LRRC4C: variants seen among roughly 807,000 people sequenced by gnomAD.
The protein encoded by LRRC4C is leucine-rich repeat-containing protein 4C.
In LRRC4C, 5 loss-of-function variants were observed where a neutral mutation model predicts 33.6. The observed-to-expected ratio is 0.15, with a 90% CI of 0.08 to 0.31. The LOEUF (loss-of-function observed/expected upper bound fraction) is 0.31. LRRC4C is among the 10% of genes least tolerant of loss of function. LRRC4C has a pLI of 1.00. For missense variants in LRRC4C, 560 were observed against 796.7 expected (o/e 0.70, Z 3.58); for synonymous variants, 329 against 302.0 (o/e 1.09, Z -0.93).
chr11:40,596,047 T>A (rs1191161393), intron 3 of LRRC4C, among the ~76,000 whole-genome samples: 1 of 152,046 alleles, frequency 6.6e-6, no homozygotes, highest in Admixed American at 6.6e-5. Context: ...TAGCACAGAA[T>A]CTACACATAG....
At chr11:40,263,118 A>G (rs1941988268) in intron 4 of LRRC4C, among the ~76,000 whole-genome samples, 1 of 152,170 alleles carries the variant, frequency 6.6e-6, no homozygotes, top group Non-Finnish European at 1.5e-5. Context: ...TAGGATCTTA[A>G]TAAATATTAA....
chr11:41,391,420 T>G (rs1287483983), intron 1 of LRRC4C, among the ~76,000 whole-genome samples: 1 of 151,736 alleles, frequency 6.6e-6, no homozygotes, highest in Non-Finnish European at 1.5e-5. Context: ...ACATATAACA[T>G]GAGGACAAAA....
intron 3 of LRRC4C, among the ~76,000 whole-genome samples, chr11:40,371,834 T>C (rs1033738862): frequency 3.3e-5 from 5 of 152,126 alleles, no homozygotes; most frequent in African/African-American, 1.2e-4. Context: ...GGCTCCCAAC[T>C]GGACAACACG....
chr11:40,805,806 G>A (rs1465694628), intron 2 of LRRC4C, among the ~76,000 whole-genome samples: 1 of 152,114 alleles, frequency 6.6e-6, no homozygotes, highest in African/African-American at 2.4e-5. Flanking sequence ...GATGTAAAGA[G>A]TATGGTGTTT....
At chr11:41,413,540 A>C (rs1372850190) in intron 1 of LRRC4C, among the ~76,000 whole-genome samples, 10 of 152,204 alleles carry the variant, frequency 6.6e-5, no homozygotes, top group Non-Finnish European at 2.9e-5. Flanking sequence ...CCTCAGAAGA[A>C]TCTGAGTTTA....
chr11:40,951,563 G>T (rs1444749280), intron 1 of LRRC4C, among the ~76,000 whole-genome samples: 2 of 151,922 alleles, frequency 1.3e-5, no homozygotes, highest in Non-Finnish European at 2.9e-5. Flanking sequence ...GTTGCCCTGA[G>T]TTACAGAAAA....
chr11:40,819,788 T>C (rs1222081129), intron 2 of LRRC4C, among the ~76,000 whole-genome samples: 2 of 152,018 alleles, frequency 1.3e-5, no homozygotes, highest in Admixed American at 1.3e-4. Context: ...AGGGTTACTG[T>C]TCTGAGATGG....
intron 2 of LRRC4C, among the ~76,000 whole-genome samples, chr11:40,780,541 C>A (rs981137075): frequency 2.0e-5 from 3 of 151,828 alleles, no homozygotes; most frequent in Non-Finnish European, 2.9e-5. Flanking sequence ...GGAGAAGATA[C>A]CAAGAAAGAT....
At chr11:41,445,666 C>CT (rs1257159446) in intron 1 of LRRC4C, among the ~76,000 whole-genome samples, 3 of 152,124 alleles carry the variant, frequency 2.0e-5, no homozygotes, top group African/African-American at 7.2e-5. Context: ...ATCACTTAAT[C>CT]TTTTAATCTT....
chr11:40,564,384 C>A (rs1287084654), intron 3 of LRRC4C, among the ~76,000 whole-genome samples: 2 of 152,164 alleles, frequency 1.3e-5, no homozygotes, highest in Non-Finnish European at 2.9e-5. Flanking sequence ...AGATTATTTT[C>A]TTTTCTAGGA....
At chr11:40,892,010 C>T (rs1841795369) in intron 2 of LRRC4C, among the ~76,000 whole-genome samples, 1 of 151,710 alleles carries the variant, frequency 6.6e-6, no homozygotes. Context: ...TGGTGGGCAC[C>T]TGTAGTCCCA....
intron 5 of LRRC4C, among the ~76,000 whole-genome samples, chr11:40,176,261 C>T (rs1371034426): frequency 1.3e-5 from 2 of 152,036 alleles, no homozygotes; most frequent in African/African-American, 2.4e-5. Flanking sequence ...GAAGATAGAA[C>T]GCGGCATTAT....
At chr11:40,744,966 T>C (rs1217764058) in intron 2 of LRRC4C, among the ~76,000 whole-genome samples, 1 of 152,158 alleles carries the variant, frequency 6.6e-6, no homozygotes. Context: ...TGTTTTCTCA[T>C]AAAATGATGA....
intron 1 of LRRC4C, among the ~76,000 whole-genome samples, chr11:41,216,038 A>G (rs1487805190): frequency 6.6e-6 from 1 of 152,200 alleles, no homozygotes; most frequent in Non-Finnish European, 1.5e-5. Flanking sequence ...GGTTTCTTAC[A>G]TTACCTAATT....
At chr11:40,301,712 G>A (rs1193399493) in intron 4 of LRRC4C, among the ~76,000 whole-genome samples, 3 of 152,116 alleles carry the variant, frequency 2.0e-5, no homozygotes, top group Non-Finnish European at 4.4e-5. Context: ...GAAGATGAAG[G>A]CATAGATTTC....
At chr11:40,678,067 C>T (rs551939875) in intron 2 of LRRC4C, among the ~76,000 whole-genome samples, 1 of 152,016 alleles carries the variant, frequency 6.6e-6, no homozygotes, top group South Asian at 2.1e-4. Context: ...GAGATGCAAA[C>T]CACTATCTTG....
chr11:40,562,567 A>C (rs1957591755), intron 3 of LRRC4C, among the ~76,000 whole-genome samples: 1 of 152,200 alleles, frequency 6.6e-6, no homozygotes, highest in Admixed American at 6.5e-5. Flanking sequence ...CACGAATCAC[A>C]AATCTAGTGA....
At chr11:40,655,075 T>C in intron 2 of LRRC4C, among the ~76,000 whole-genome samples, 1 of 152,222 alleles carries the variant, frequency 6.6e-6, no homozygotes, top group East Asian at 1.9e-4. Context: ...TCTTTATAAA[T>C]TAACCAGTCT....
At chr11:40,715,017 A>G (rs1279144204) in intron 2 of LRRC4C, among the ~76,000 whole-genome samples, 2 of 152,218 alleles carry the variant, frequency 1.3e-5, no homozygotes, top group Non-Finnish European at 1.5e-5. Context: ...CGGGCAGGCA[A>G]CTATGTATTA....
Sources: gnomAD v4.1 joint callset for allele counts (sites outside exome capture counted in the v4.1 genomes callset) on GRCh38, gnomAD v4.1.1 for gene constraint, MANE v1.5 for transcripts, NCBI Gene and HGNC (gene_info 2026-07-23, HGNC 2026-07-21) for gene names.